The following BAZ2B variants were observed in gnomAD, a reference collection of about 807,000 sequenced individuals.
BAZ2B encodes the protein bromodomain adjacent to zinc finger domain protein 2B.
BAZ2B carries 91 observed loss-of-function variants against 246.0 expected under a neutral mutation model. That is an observed-to-expected ratio of 0.37 (90% CI 0.31 to 0.44). The LOEUF (loss-of-function observed/expected upper bound fraction) is 0.44, where lower values mean the gene tolerates loss of function less well. Among genes scored for constraint, BAZ2B ranks in the 20% least tolerant of loss-of-function variants. The pLI, the probability that BAZ2B is intolerant of heterozygous loss-of-function variation, is 1.00. For missense variants in BAZ2B, 2,332 were observed against 2,533.7 expected (o/e 0.92, Z 1.71); for synonymous variants, 855 against 860.0 (o/e 0.99, Z 0.10).
Position 159,319,576 on chromosome 2 carries a change from T to C in BAZ2B, c.*689A>G, listed in dbSNP as rs1355766304. 1 of 152,616 alleles carries C rather than the reference T, an allele frequency of 6.6e-6. No individual in the cohort carries two copies. Among genetic ancestry groups the C allele is most frequent in the African/African-American group, 2.4e-5 (1 of 41,452 alleles). 9.5% of individuals were successfully genotyped at this position (152,616 alleles called of 1,614,324 possible). A position where few individuals can be genotyped will look rare whatever the true frequency, so the allele number is the denominator to read the frequency against. On this transcript the variant is annotated 3_prime_UTR_variant, in exon 37 of 37. Transcript: ENST00000392783. The surrounding 1 kb of genome is among the most constrained non-coding windows in gnomAD (Gnocchi z 4.0). Reference sequence around the variant, plus strand: ...ACTTAATATAAACAAGAATGAACAGTATATACATGTCAATTTTTTCACTGT... The same window carrying C: ...ACTTAATATAAACAAGAATGAACAGCATATACATGTCAATTTTTTCACTGT...
At chr2:159,363,460 T>C (rs1445366369) in intron 27 of BAZ2B, among the ~76,000 whole-genome samples, 1 of 152,198 alleles carries the variant, frequency 6.6e-6, no homozygotes, top group African/African-American at 2.4e-5. Context: ...TGCTTTGACT[T>C]ATTCCTTCAT....
intron 1 of BAZ2B, among the ~76,000 whole-genome samples, chr2:159,589,496 C>G (rs1011655927): frequency 6.6e-6 from 1 of 151,708 alleles, no homozygotes; most frequent in Non-Finnish European, 1.5e-5. Flanking sequence ...TGATCTCAGC[C>G]AAAAAAATAA....
the BAZ2B span, among the ~76,000 whole-genome samples, chr2:159,679,259 G>A: frequency 1.6e-3 from 164 of 104,762 alleles, 1 homozygote; most frequent in South Asian, 0.019. Context: ...GTGACAGAGT[G>A]AGACTTCATC....
At chr2:159,499,939 T>C (rs986564268) in intron 2 of BAZ2B, among the ~76,000 whole-genome samples, 2 of 152,188 alleles carry the variant, frequency 1.3e-5, no homozygotes, top group African/African-American at 2.4e-5. Flanking sequence ...GTTGGATAGA[T>C]TACAAAGTTT....
intron 1 of BAZ2B, among the ~76,000 whole-genome samples, chr2:159,589,251 CCT>C: frequency 6.6e-6 from 1 of 152,066 alleles, no homozygotes; most frequent in African/African-American, 2.4e-5. Flanking sequence ...ACAGTGGTAT[CCT>C]TACTCACACT....
At position 159,495,410 on chromosome 2, in the gene BAZ2B, G is replaced by C. The variant is rs1035283904; in HGVS notation, c.-2-16689C>G. ...TGAGGCAGGAGAATGGCGTGAACCCGGGAGGCGGAGCTTGCAGTGAGCCGA... is the reference window on the plus strand; with the variant it reads ...TGAGGCAGGAGAATGGCGTGAACCCCGGAGGCGGAGCTTGCAGTGAGCCGA... On this transcript the variant is annotated intron_variant, in intron 2 of 36. Coordinates refer to ENST00000392783, the MANE Select transcript of BAZ2B (RefSeq NM_013450.4). Among the ~76,000 whole-genome samples, 3 of 141,778 alleles carry C rather than the reference G, an allele frequency of 2.1e-5. No homozygotes were observed. In the Admixed American group the frequency reaches 2.2e-4, roughly 10 times the overall value. 93.0% of individuals were successfully genotyped at this position (141,778 alleles called of 152,430 possible).
At chr2:159,410,719 T>TA (rs1161226282) in intron 14 of BAZ2B, among the ~76,000 whole-genome samples, 1 of 152,256 alleles carries the variant, frequency 6.6e-6, no homozygotes, top group Non-Finnish European at 1.5e-5. Context: ...GTTAAGCTAT[T>TA]AGTCAAAGTA....
chr2:159,598,773 C>T (rs1691389472), intron 1 of BAZ2B, among the ~76,000 whole-genome samples: 1 of 151,992 alleles, frequency 6.6e-6, no homozygotes, highest in African/African-American at 2.4e-5. Context: ...TGCTTGAACC[C>T]GGGAGGCAGA....
intron 2 of BAZ2B, among the ~76,000 whole-genome samples, chr2:159,521,306 T>C (rs2084103110): frequency 6.6e-6 from 1 of 152,108 alleles, no homozygotes. Context: ...TTGAAATGGC[T>C]TTTGAACAAA....
intron 1 of BAZ2B, chr2:159,615,285 C>CGGGGGGG (rs1695673881): frequency 1.4e-4 from 1 of 7,330 alleles, no homozygotes; most frequent in Admixed American, 2.1e-3. Context: ...AGAACGGGGG[C>CGGGGGGG]TGGGGGGAGG....
At chr2:159,660,041 A>G in the BAZ2B span, among the ~76,000 whole-genome samples, 4 of 152,210 alleles carry the variant, frequency 2.6e-5, no homozygotes, top group East Asian at 1.9e-4. Context: ...TGCAACCACC[A>G]TAATTTTCCA....
intron 25 of BAZ2B, among the ~76,000 whole-genome samples, chr2:159,380,975 T>C (rs1228095888): frequency 6.6e-6 from 1 of 152,154 alleles, no homozygotes; most frequent in African/African-American, 2.4e-5. Context: ...GTTCTGTGAA[T>C]CATCCTAGTG....
At chr2:159,632,398 A>G in the BAZ2B span, among the ~76,000 whole-genome samples, 2 of 152,228 alleles carry the variant, frequency 1.3e-5, no homozygotes, top group Non-Finnish European at 2.9e-5. Flanking sequence ...TGGTTATTAA[A>G]TAGTCATTAC....
chr2:159,379,082 G>GA (rs1295660722), intron 25 of BAZ2B, among the ~76,000 whole-genome samples: 8 of 152,134 alleles, frequency 5.3e-5, no homozygotes, highest in African/African-American at 1.9e-4. Flanking sequence ...GCCAAATGGT[G>GA]AAAGCAACCC....
chr2:159,345,081 A>G (rs1051085373), intron 31 of BAZ2B, among the ~76,000 whole-genome samples: 1 of 151,940 alleles, frequency 6.6e-6, no homozygotes, highest in Non-Finnish European at 1.5e-5. Context: ...TTGGTGGGGC[A>G]TGCCTGTAAT....
chr2:159,456,231 G>A (rs946839628), intron 3 of BAZ2B, among the ~76,000 whole-genome samples: 1 of 151,944 alleles, frequency 6.6e-6, no homozygotes, highest in Non-Finnish European at 1.5e-5. Context: ...ATAACTAACT[G>A]TAATTACAAT....
intron 2 of BAZ2B, among the ~76,000 whole-genome samples, chr2:159,495,960 T>A (rs1258084100): frequency 6.6e-6 from 1 of 151,276 alleles, no homozygotes; most frequent in African/African-American, 2.4e-5. Flanking sequence ...TTAGTAAAGA[T>A]GGGGTTTCAC....
At chr2:159,680,315 G>C in the BAZ2B span, among the ~76,000 whole-genome samples, 2 of 152,144 alleles carry the variant, frequency 1.3e-5, no homozygotes, top group African/African-American at 4.8e-5. Flanking sequence ...TTTGTGTCTT[G>C]TGCTTACTTG....
At chr2:159,683,240 C>G in the BAZ2B span, among the ~76,000 whole-genome samples, 1 of 152,054 alleles carries the variant, frequency 6.6e-6, no homozygotes, top group Non-Finnish European at 1.5e-5. Flanking sequence ...AACTAACATA[C>G]AGTAAGTTCA....
Sources: allele counts gnomAD v4.1 joint callset (sites outside exome capture counted in the v4.1 genomes callset), GRCh38; gene constraint gnomAD v4.1.1; non-coding constraint Gnocchi (gnomAD v3.1); transcripts MANE v1.5; gene names NCBI Gene and HGNC (gene_info 2026-07-23, HGNC 2026-07-21).